The following ERC2 variants were observed in gnomAD, a reference collection of about 807,000 sequenced individuals.
ERC2 encodes ELKS/RAB6-interacting/CAST family member 2, also known as ERC protein 2.
In ERC2, 42 loss-of-function variants were observed where a neutral mutation model predicts 114.8. That is an observed-to-expected ratio of 0.37 (90% confidence interval 0.29 to 0.47). The LOEUF (loss-of-function observed/expected upper bound fraction) is 0.47. Among genes scored for constraint, ERC2 ranks in the 20% least tolerant of loss-of-function variants. ERC2 has a pLI of 0.99. For missense variants in ERC2, 939 were observed against 1,150.7 expected, an observed-to-expected ratio of 0.82 and a Z score of 2.66; for synonymous variants, 454 against 425.5, an observed-to-expected ratio of 1.07 and a Z score of -0.82.
intron 10 of ERC2, among the ~76,000 whole-genome samples, chr3:56,006,698 C>T (rs1268175824): frequency 6.6e-6 from 1 of 152,044 alleles, no homozygotes; most frequent in Non-Finnish European, 1.5e-5. Flanking sequence ...TATAAATAGT[C>T]ATTCTACAGA....
chr3:55,815,947 C>T (rs919443341), intron 14 of ERC2, among the ~76,000 whole-genome samples: 3 of 152,208 alleles, frequency 2.0e-5, no homozygotes, highest in Admixed American at 2.0e-4. Flanking sequence ...CAGACTGCCT[C>T]AGGTATCTTC....
intron 3 of ERC2, among the ~76,000 whole-genome samples, chr3:56,213,372 T>C (rs6771628): frequency 0.5 from 75,863 of 152,100 alleles, 19,298 homozygotes; most frequent in East Asian, 0.73. Flanking sequence ...GATTATATCC[T>C]GTGTCTGGCT....
chr3:55,776,348 G>T (rs544498066), intron 14 of ERC2, among the ~76,000 whole-genome samples: 2 of 152,214 alleles, frequency 1.3e-5, no homozygotes, highest in South Asian at 4.2e-4. Flanking sequence ...AACGGAGTAA[G>T]AACAGACTGA....
At chr3:56,433,296 G>T (rs74283987) in intron 2 of ERC2, among the ~76,000 whole-genome samples, 9,368 of 152,088 alleles carry the variant, frequency 0.062, 538 homozygotes, top group East Asian at 0.31. Context: ...AGGAAATAAA[G>T]TAGGCATTAA....
At chr3:56,245,808 T>C (rs138183312) in intron 3 of ERC2, among the ~76,000 whole-genome samples, 3 of 152,116 alleles carry the variant, frequency 2.0e-5, no homozygotes, top group Non-Finnish European at 4.4e-5. Context: ...CCTAAAGTGC[T>C]GGGATTACAG....
chr3:55,735,533 A>G (rs1433466865), intron 14 of ERC2, among the ~76,000 whole-genome samples: 1 of 152,178 alleles, frequency 6.6e-6, no homozygotes, highest in Non-Finnish European at 1.5e-5. Context: ...TCTCTCAAGA[A>G]CTAATTTACT....
chr3:55,678,098 T>C (rs1160432305), intron 17 of ERC2, among the ~76,000 whole-genome samples: 1 of 151,808 alleles, frequency 6.6e-6, no homozygotes, highest in Admixed American at 6.6e-5. Context: ...TCCAGAGGAG[T>C]AGAAGAGCAA....
Position 55,875,701 on chromosome 3 carries a change from C to T in ERC2, c.2564+12688G>A, listed in dbSNP as rs1006305927. On this transcript the variant is annotated intron_variant, in intron 14 of 17. Coordinates refer to ENST00000288221, the MANE Select transcript of ERC2 (RefSeq NM_015576.3). ...GCCCCTAAACTCATTCACACACACA[C>T]ACACACACACACACACACACACACT... is the stretch of plus-strand genomic sequence containing the variant. Among the ~76,000 whole-genome samples, 8 of 145,742 alleles carry T rather than the reference C, an allele frequency of 5.5e-5. No homozygotes were observed. The East Asian group carries it at 1.6e-3, about 28-fold the overall frequency.
At chr3:56,144,281 A>G (rs1381097563) in intron 5 of ERC2, among the ~76,000 whole-genome samples, 1 of 152,248 alleles carries the variant, frequency 6.6e-6, no homozygotes, top group Non-Finnish European at 1.5e-5. Context: ...CTCATACATA[A>G]CAAGAATATA....
At chr3:56,032,255 C>G (rs2074418420) in intron 7 of ERC2, among the ~76,000 whole-genome samples, 1 of 152,126 alleles carries the variant, frequency 6.6e-6, no homozygotes, top group Admixed American at 6.5e-5. Context: ...TCAGGTATTC[C>G]TTGATAGCAA....
intron 2 of ERC2, among the ~76,000 whole-genome samples, chr3:56,312,384 A>G (rs2056632321): frequency 6.6e-6 from 1 of 152,220 alleles, no homozygotes; most frequent in Admixed American, 6.5e-5. Context: ...GTAGTTAGAA[A>G]GTATAAATTC....
At chr3:55,925,971 A>G (rs1163194488) in intron 13 of ERC2, among the ~76,000 whole-genome samples, 2 of 152,200 alleles carry the variant, frequency 1.3e-5, no homozygotes, top group Non-Finnish European at 2.9e-5. Flanking sequence ...ATTTCATTAG[A>G]CACAGCACTT....
At chr3:56,464,712 T>C (rs1295232351) in intron 1 of ERC2, among the ~76,000 whole-genome samples, 1 of 152,186 alleles carries the variant, frequency 6.6e-6, no homozygotes, top group East Asian at 1.9e-4. Flanking sequence ...ACCATGAATA[T>C]TGGTGCTTTT....
intron 3 of ERC2, among the ~76,000 whole-genome samples, chr3:56,278,136 G>T (rs1323862391): frequency 6.6e-6 from 1 of 152,200 alleles, no homozygotes; most frequent in Non-Finnish European, 1.5e-5. Context: ...ACTGATAAAT[G>T]TTAGTCATGA....
chr3:55,845,297 G>A (rs976500054), intron 14 of ERC2, among the ~76,000 whole-genome samples: 21 of 152,104 alleles, frequency 1.4e-4, no homozygotes, highest in Non-Finnish European at 2.4e-4. Flanking sequence ...GAGGTCAGGA[G>A]ATCGAGACCA....
intron 7 of ERC2, among the ~76,000 whole-genome samples, chr3:56,033,003 GAA>G (rs1197389256): frequency 4.2e-5 from 5 of 118,026 alleles, no homozygotes; most frequent in East Asian, 2.9e-4. Flanking sequence ...AAGAAAGAAA[GAA>G]AGAAAGAAAG....
intron 17 of ERC2, among the ~76,000 whole-genome samples, chr3:55,630,645 A>G (rs1357044638): frequency 6.6e-6 from 1 of 152,180 alleles, no homozygotes; most frequent in East Asian, 1.9e-4. Flanking sequence ...GCAGCCATCA[A>G]AGACACTACT....
At chr3:56,130,647 G>A (rs2149887179) in intron 6 of ERC2, among the ~76,000 whole-genome samples, 1 of 152,234 alleles carries the variant, frequency 6.6e-6, no homozygotes, top group South Asian at 2.1e-4. Context: ...TCCTTTAATA[G>A]TCCAGAATTT....
intron 12 of ERC2, among the ~76,000 whole-genome samples, chr3:55,970,144 T>C (rs909286225): frequency 1.3e-5 from 2 of 152,136 alleles, no homozygotes; most frequent in East Asian, 1.9e-4. Flanking sequence ...TAGTACCTCA[T>C]TGAACCATCA....
Sources: gnomAD v4.1 joint callset for allele counts (sites outside exome capture counted in the v4.1 genomes callset) on GRCh38, gnomAD v4.1.1 for gene constraint, MANE v1.5 for transcripts, NCBI Gene and HGNC (gene_info 2026-07-23, HGNC 2026-07-21) for gene names.